The following ALDH6A1 variants were observed in gnomAD, a reference collection of about 807,000 sequenced individuals.
The protein encoded by ALDH6A1 is aldehyde dehydrogenase 6 family member A1, also known as methylmalonate-semialdehyde/malonate-semialdehyde dehydrogenase [acylating], mitochondrial.
Under a neutral mutation model 62.6 loss-of-function variants are expected in ALDH6A1, and 43 were observed. That is an observed-to-expected ratio of 0.69 (90% CI 0.54 to 0.89). The LOEUF is 0.89. ALDH6A1 is among the 40% of genes least tolerant of loss of function. ALDH6A1 has a pLI of 0.00. For synonymous variants in ALDH6A1, 194 were observed against 234.2 expected, an observed-to-expected ratio of 0.83 and a Z score of 1.57; for missense variants, 551 against 661.3, an observed-to-expected ratio of 0.83 and a Z score of 1.83.
chr14:74,084,322 G>A, intron 1 of ALDH6A1, 25 bp downstream of exon 1: 1 of 1,613,720 alleles, frequency 6.2e-7, no homozygotes, highest in Non-Finnish European at 8.5e-7. Flanking sequence ...TAGCTTCATG[G>A]TGCCTTGGCA....
intron 8 of ALDH6A1, 39 bp downstream of exon 8, chr14:74,067,341 G>T: frequency 6.2e-7 from 1 of 1,610,768 alleles, no homozygotes; most frequent in South Asian, 1.1e-5. Context: ...TAATGCCACA[G>T]ATGCAAAATC....
intron 1 of ALDH6A1, among the ~76,000 whole-genome samples, chr14:74,075,964 AGTTAGATAATAAAAGTACATACT>A (rs1398184170): frequency 6.6e-6 from 1 of 152,232 alleles, no homozygotes; most frequent in Non-Finnish European, 1.5e-5. Context: ...AAGAGACAGA[AGTTAGATAATAAAAGTACATACT>A]GTATGATTCT....
rs144291711 is a variant in ALDH6A1, at chr14:74,068,617, C to G, written c.852+243G>C. ...AATTAGCCGGGCGCTGTGGCATGTG[C>G]TTGTATTCCCAGCTACTCGGGAGGC... On this transcript the variant is annotated intron_variant, in intron 7 of 11. Coordinates refer to ENST00000553458, the MANE Select transcript of ALDH6A1 (RefSeq NM_005589.4). Among the ~76,000 whole-genome samples, 714 of 152,058 alleles carry G rather than the reference C, an allele frequency of 4.7e-3. 2 individuals carry two copies. Among genetic ancestry groups the G allele is most frequent in the African/African-American group, 0.015 (604 of 41,482 alleles).
In ALDH6A1 at chr14:74,084,343, T is replaced by A; in HGVS notation, c.48+4A>T. ...CATGGTGCCTTGGCACCACCCTCAC[T>A]CGCCTGCAGGATCCGGGCTCGCACT... On this transcript the variant is annotated splice_donor_region_variant and intron_variant, in intron 1 of 11. Transcript: ENST00000553458. 1 of 1,613,704 alleles carries A rather than the reference T, an allele frequency of 6.2e-7. No homozygotes were observed. Among genetic ancestry groups the A allele is most frequent in the South Asian group, 1.1e-5 (1 of 91,052 alleles).
chr14:74,069,115 T>C (rs1472101187), intron 6 of ALDH6A1, 134 bp from the exon 7 acceptor site: 20 of 1,113,854 alleles, frequency 1.8e-5, no homozygotes, highest in Non-Finnish European at 2.3e-5. Flanking sequence ...TTTTTTTTTT[T>C]TTTTTTTGAG....
chr14:74,070,426 G>A (rs936255726), intron 6 of ALDH6A1, among the ~76,000 whole-genome samples: 23 of 152,120 alleles, frequency 1.5e-4, no homozygotes, highest in African/African-American at 5.6e-4. Context: ...GGCAGAGGCA[G>A]GAAAATTGCT....
chr14:74,069,523 G>C (rs537387080), intron 6 of ALDH6A1, among the ~76,000 whole-genome samples: 6 of 152,094 alleles, frequency 3.9e-5, no homozygotes, highest in African/African-American at 1.4e-4. Context: ...GGCCGAGGCA[G>C]GTGGATCACC....
At chr14:74,071,071 G>T in intron 6 of ALDH6A1, 124 bp downstream of exon 6, 1 of 1,012,302 alleles carries the variant, frequency 9.9e-7, no homozygotes, top group Non-Finnish European at 1.6e-6. Context: ...AAACATGGAG[G>T]TTAAAATGAG....
intron 10 of ALDH6A1, 115 bp downstream of exon 10, chr14:74,065,066 G>T: frequency 7.1e-7 from 1 of 1,405,744 alleles, no homozygotes; most frequent in Non-Finnish European, 1.0e-6. Flanking sequence ...AAGAAATGGG[G>T]CAATGTGGGA....
At position 74,072,576 on chromosome 14, in the gene ALDH6A1, A is replaced by C. The variant is rs1263697353; in HGVS notation, c.147T>G (p.Val49=). ...TVKLFIGGKF[V]ESKSDKWIDI... Reference sequence around the variant, plus strand: ...CGATCCATTTGTCACTTTTGGATTCAACGAATTTCCCACCAATGAAGAGCT... The same window carrying C: ...CGATCCATTTGTCACTTTTGGATTCCACGAATTTCCCACCAATGAAGAGCT... The change falls in exon 3 of 12, where the codon GTT becomes GTG. Residue 49 remains valine, a synonymous_variant. Coordinates refer to ENST00000553458, the MANE Select transcript of ALDH6A1 (RefSeq NM_005589.4). 1 of 1,614,136 alleles carries C rather than the reference A, an allele frequency of 6.2e-7. No individual in the cohort carries two copies. The highest frequency in any genetic ancestry group is 8.5e-7 in the Non-Finnish European group (1 of 1,180,030).
Position 74,059,444 on chromosome 14 carries a change from C to T in ALDH6A1, c.*1198G>A. 2 of 452,928 alleles carry T rather than the reference C, an allele frequency of 4.4e-6. No homozygotes were observed. The highest frequency in any genetic ancestry group is 8.9e-6 in the Non-Finnish European group (2 of 225,592). The allele number at this position is 452,928 out of a possible 1,614,324, so 28.1% of individuals were successfully genotyped here. A position where few individuals can be genotyped will look rare whatever the true frequency, so the allele number is the denominator to read the frequency against. ...GGTGTGGTGGCTCATGCCTGTAATC[C>T]CAGCACTTTGGGAGGCCGAGGCAGG... On this transcript the variant is annotated 3_prime_UTR_variant, in exon 12 of 12. Coordinates refer to ENST00000553458, the MANE Select transcript of ALDH6A1 (RefSeq NM_005589.4).
Position 74,057,542 on chromosome 14 carries a change from A to T in ALDH6A1, c.*3100T>A. ...CCAAAATGTGTACTATCTTTTACGTAAGAGTAAACATAGTGACCTTGTGAC... is the reference window on the plus strand; with the variant it reads ...CCAAAATGTGTACTATCTTTTACGTTAGAGTAAACATAGTGACCTTGTGAC... On this transcript the variant is annotated 3_prime_UTR_variant, in exon 12 of 12. Transcript: ENST00000553458. 1 of 1,338,676 alleles carries T rather than the reference A, an allele frequency of 7.5e-7. No individual in the cohort carries two copies. Among genetic ancestry groups the T allele is most frequent in the Non-Finnish European group, 9.7e-7 (1 of 1,035,674 alleles). The allele number at this position is 1,338,676 out of a possible 1,614,324, so 82.9% of individuals were successfully genotyped here.
intron 11 of ALDH6A1, among the ~76,000 whole-genome samples, chr14:74,064,297 C>CAAAA (rs368051564): frequency 7.9e-6 from 1 of 127,048 alleles, no homozygotes; most frequent in Non-Finnish European, 1.7e-5. Context: ...GACTGTGTCT[C>CAAAA]AAAAAAAAAA....
Position 74,060,668 on chromosome 14 carries a change from C to T in ALDH6A1, c.1582G>A (p.Val528Ile), listed in dbSNP as rs1489175709. Residue 528 changes from valine (V) to isoleucine (I), a missense_variant, in exon 12 of 12, where the codon GTT becomes ATT. By Grantham distance (29) the Val-to-Ile change is conservative. Coordinates refer to ENST00000553458, the MANE Select transcript of ALDH6A1 (RefSeq NM_005589.4). Reference protein sequence around the residue: ...EEDATLSSPAVVMPTMGR With the variant: ...EEDATLSSPAIVMPTMGR ...TAACGGCCCATGGTAGGCATGACAACAGCAGGTGAGGAAAGAGTAGCATCT... is the reference window on the plus strand; with the variant it reads ...TAACGGCCCATGGTAGGCATGACAATAGCAGGTGAGGAAAGAGTAGCATCT... 1 of 1,613,242 alleles carries T rather than the reference C, an allele frequency of 6.2e-7. No homozygotes were observed. Among genetic ancestry groups the T allele is most frequent in the Non-Finnish European group, 8.5e-7 (1 of 1,179,332 alleles).
At position 74,071,354 on chromosome 14, in the gene ALDH6A1, T is replaced by C; in HGVS notation, c.571A>G (p.Ile191Val). 1 of 1,614,042 alleles carries C rather than the reference T, an allele frequency of 6.2e-7. No individual in the cohort carries two copies. Among genetic ancestry groups the C allele is most frequent in the Non-Finnish European group, 8.5e-7 (1 of 1,180,012 alleles). Reference protein sequence around the residue: ...GIAPFNFPAMIPLWMFPMAMV... With the variant: ...GIAPFNFPAMVPLWMFPMAMV... The stretch of plus-strand genomic sequence containing the variant: ...GCCATGGGAAACATCCAAAGGGGGA[T>C]CATGGCAGGAAAATTGAATGGAGCA... Residue 191 changes from isoleucine (I) to valine (V), a missense_variant, in exon 6 of 12, where the codon ATC (isoleucine) becomes GTC (valine). By Grantham distance (29) the Ile-to-Val change is conservative. Transcript: ENST00000553458.
chr14:74,076,465 G>T (rs372140038), intron 1 of ALDH6A1, among the ~76,000 whole-genome samples: 1 of 151,820 alleles, frequency 6.6e-6, no homozygotes, highest in South Asian at 2.1e-4. Context: ...GTGTTCAAGC[G>T]ATTCTCCTGC....
At chr14:74,063,639 G>A (rs1261516584) in intron 11 of ALDH6A1, among the ~76,000 whole-genome samples, 1 of 151,826 alleles carries the variant, frequency 6.6e-6, no homozygotes, top group Non-Finnish European at 1.5e-5. Context: ...GCTGAGGCAG[G>A]CGGATCACCT....
In ALDH6A1 at chr14:74,057,155, A is replaced by G; in HGVS notation, c.*3487T>C. On this transcript the variant is annotated 3_prime_UTR_variant, in exon 12 of 12. Coordinates refer to ENST00000553458, the MANE Select transcript of ALDH6A1 (RefSeq NM_005589.4). ...TGTCATTATTGCAGGGATGAAAGTA[A>G]GCTTCAAGATAAAATCTTCATCACC... The G allele has an allele frequency of 6.2e-7, 1 of 1,611,722 alleles. No individual in the cohort carries two copies. Among genetic ancestry groups the G allele is most frequent in the Non-Finnish European group, 8.5e-7 (1 of 1,178,226 alleles).
intron 1 of ALDH6A1, among the ~76,000 whole-genome samples, chr14:74,075,656 C>CA (rs71115952): frequency 0.028 from 3,775 of 132,926 alleles, 149 homozygotes; most frequent in African/African-American, 0.095. Context: ...GACCTTGTCT[C>CA]AAAAAAAAAA....
Sources: gnomAD v4.1 joint callset for allele counts (sites outside exome capture counted in the v4.1 genomes callset) on GRCh38, gnomAD v4.1.1 for gene constraint, MANE v1.5 for transcripts, NCBI Gene and HGNC (gene_info 2026-07-23, HGNC 2026-07-21) for gene names.